Variants in GPR173 observed in about 807,000 individuals in gnomAD.
GPR173 encodes the protein G protein-coupled receptor 173, also known as probable G protein-coupled receptor 173.
In GPR173, 2 loss-of-function variants were observed where a neutral mutation model predicts 13.9. That is an observed-to-expected ratio of 0.14 (90% CI 0.06 to 0.45). GPR173 has a LOEUF of 0.45. Ranked by LOEUF, GPR173 falls within the 20% of genes least tolerant of loss-of-function variation. GPR173 has a pLI of 0.98. For synonymous variants in GPR173, 131 were observed against 141.0 expected, an observed-to-expected ratio of 0.93 and a Z score of 0.50; for missense variants, 202 against 340.5, an observed-to-expected ratio of 0.59 and a Z score of 3.20.
intron 1 of GPR173, among the ~76,000 whole-genome samples, chrX:53,060,965 C>CAATGTA (rs1556803737): frequency 9.5e-6 from 1 of 105,542 alleles, no homozygotes; most frequent in Admixed American, 1.0e-4. Flanking sequence ...GACATTTTTA[C>CAATGTA]TCCCTTTTTG....
chrX:53,068,012 C>A (rs2146679253), intron 1 of GPR173, among the ~76,000 whole-genome samples: 1 of 111,779 alleles, frequency 8.9e-6, no homozygotes, highest in East Asian at 2.8e-4. Context: ...ACAAGTAAAT[C>A]AATCAATAAA....
At chrX:53,062,569 CTTCTTTTTTTTTTT>C (rs1336147575) in intron 1 of GPR173, among the ~76,000 whole-genome samples, 7 of 74,671 alleles carry the variant, frequency 9.4e-5, no homozygotes, top group African/African-American at 3.9e-4. Flanking sequence ...ACATTGTCTT[CTTCTTTTTTTTTTT>C]TTTTTTTTTT....
At chrX:53,061,210 G>A (rs1445692119) in intron 1 of GPR173, among the ~76,000 whole-genome samples, 3 of 105,255 alleles carry the variant, frequency 2.9e-5, no homozygotes, top group Non-Finnish European at 5.8e-5. Flanking sequence ...GTGACAGAGC[G>A]AGACTCCATC....
chrX:53,057,417 CAAA>C (rs202011753), intron 1 of GPR173, among the ~76,000 whole-genome samples: 1 of 51,424 alleles, frequency 1.9e-5, no homozygotes. Context: ...AACTCCATCT[CAAA>C]AAAAAAAAAA....
chrX:53,071,166 G>T (rs1170493809), intron 1 of GPR173: 1 of 111,579 alleles, frequency 9.0e-6, no homozygotes, highest in Non-Finnish European at 1.9e-5. Flanking sequence ...GTGGAGACGG[G>T]GTTTCTCCAT....
At chrX:53,073,221 TAA>T (rs75150142) in intron 1 of GPR173, among the ~76,000 whole-genome samples, 8 of 70,401 alleles carry the variant, frequency 1.1e-4, no homozygotes, top group Admixed American at 3.3e-4. Flanking sequence ...GGAGACTGTC[TAA>T]AAAAAAAAAA....
intron 1 of GPR173, among the ~76,000 whole-genome samples, chrX:53,054,798 G>C (rs1035035752): frequency 9.1e-6 from 1 of 110,336 alleles, no homozygotes; most frequent in Non-Finnish European, 1.9e-5. Context: ...GTGTGTAAGA[G>C]AGTGTGGGTG....
At position 53,069,259 on chromosome X, in the gene GPR173, C is replaced by T. The variant is rs781882157; in HGVS notation, c.-97-7266C>T. On this transcript the variant is annotated intron_variant, in intron 1 of 1. Coordinates refer to ENST00000332582, the MANE Select transcript of GPR173 (RefSeq NM_018969.6). Reference sequence around the variant, plus strand: ...ACAGGCGTGAGCCACCGTGCCCAGCCGACCTTTTCTCTTAAAAAAAAAAAA... The same window carrying T: ...ACAGGCGTGAGCCACCGTGCCCAGCTGACCTTTTCTCTTAAAAAAAAAAAA... Among the ~76,000 whole-genome samples, 24 of 99,498 alleles carry T rather than the reference C, an allele frequency of 2.4e-4. 2 individuals are homozygous for T. In the South Asian group the frequency reaches 0.011, roughly 45 times the overall value. 86.4% of individuals were successfully genotyped at this position (99,498 alleles called of 115,157 possible). A position where few individuals can be genotyped will look rare whatever the true frequency, so the allele number is the denominator to read the frequency against.
chrX:53,048,942 G>T lies in GPR173; in HGVS notation c.-640G>T, dbSNP rs1267211404. 1 of 110,494 alleles carries T rather than the reference G, an allele frequency of 9.1e-6. No individual in the cohort carries two copies. The highest frequency in any genetic ancestry group is 1.9e-5 in the Non-Finnish European group (1 of 52,513). The allele number at this position is 110,494 out of a possible 1,213,427, so 9.1% of individuals were successfully genotyped here. On this transcript the variant is annotated 5_prime_UTR_variant, in exon 1 of 2. Transcript: ENST00000332582. ...CAACCTGGGGCTCTCCCAGGCCATG[G>T]CCCGTGTGCTCCCAGGGAGGAGCCC...
At chrX:53,073,779 A>C (rs1167258314) in intron 1 of GPR173, among the ~76,000 whole-genome samples, 4 of 80,343 alleles carry the variant, frequency 5.0e-5, no homozygotes, top group Non-Finnish European at 9.1e-5. Context: ...ATATAAAATT[A>C]TATATATATA....
At chrX:53,052,840 G>A (rs185767418) in intron 1 of GPR173, among the ~76,000 whole-genome samples, 1 of 99,885 alleles carries the variant, frequency 1.0e-5, no homozygotes, top group Admixed American at 1.0e-4. Flanking sequence ...GTTTAAGTGT[G>A]TGTGTGTGAG....
intron 1 of GPR173, among the ~76,000 whole-genome samples, chrX:53,065,956 C>T (rs1449329203): frequency 9.1e-6 from 1 of 110,292 alleles, no homozygotes; most frequent in African/African-American, 3.3e-5. Flanking sequence ...AAAAATTAGC[C>T]GGGCATGGTG....
intron 1 of GPR173, among the ~76,000 whole-genome samples, chrX:53,076,129 G>A (rs1241589659): frequency 9.0e-6 from 1 of 111,278 alleles, no homozygotes; most frequent in Non-Finnish European, 1.9e-5. Context: ...GCGGGTAGGA[G>A]CAGGAGTGGC....
chrX:53,076,279 C>A (rs1440330369), intron 1 of GPR173, among the ~76,000 whole-genome samples: 1 of 110,224 alleles, frequency 9.1e-6, no homozygotes, highest in Non-Finnish European at 1.9e-5. Flanking sequence ...TCTCTCTCCC[C>A]TCTTTCTCTC....
intron 1 of GPR173, among the ~76,000 whole-genome samples, chrX:53,052,852 ATGTGTGTGAGGATG>A (rs374188184): frequency 0.021 from 1,991 of 93,683 alleles, 38 homozygotes; most frequent in African/African-American, 0.092. Context: ...GTGTGTGAGG[ATGTGTGTGAGGATG>A]TGTGTGTGTC....
intron 1 of GPR173, among the ~76,000 whole-genome samples, chrX:53,072,940 G>C (rs1602094380): frequency 9.0e-6 from 1 of 111,109 alleles, no homozygotes; most frequent in Non-Finnish European, 1.9e-5. Context: ...TAAAAAGCCT[G>C]GCTCGGGCGC....
chrX:53,075,633 C>G (rs1932421371), intron 1 of GPR173, among the ~76,000 whole-genome samples: 1 of 109,111 alleles, frequency 9.2e-6, no homozygotes, highest in African/African-American at 3.3e-5. Flanking sequence ...AAATAAAAAC[C>G]AAAGTCCTCA....
At chrX:53,065,217 G>A (rs1365544318) in intron 1 of GPR173, 1 of 111,993 alleles carries the variant, frequency 8.9e-6, no homozygotes, top group Non-Finnish European at 1.9e-5. Flanking sequence ...TTTTGATCTT[G>A]GAAAGCATGT....
At chrX:53,069,287 A>C (rs1932228005) in intron 1 of GPR173, among the ~76,000 whole-genome samples, 1 of 109,065 alleles carries the variant, frequency 9.2e-6, no homozygotes, top group Middle Eastern at 4.7e-3. Context: ...AAAAAAAAAA[A>C]CAGAAAAGAA....
Sources: gnomAD v4.1 joint callset for allele counts (sites outside exome capture counted in the v4.1 genomes callset) on GRCh38, gnomAD v4.1.1 for gene constraint, MANE v1.5 for transcripts, NCBI Gene and HGNC (gene_info 2026-07-23, HGNC 2026-07-21) for gene names.